The following COL24A1 variants were observed in gnomAD, a reference collection of about 807,000 sequenced individuals.
COL24A1 encodes the protein collagen type XXIV alpha 1 chain, also known as collagen alpha-1(XXIV) chain.
In COL24A1, 224 loss-of-function variants were observed where a neutral mutation model predicts 253.9. The observed-to-expected ratio is 0.88, with a 90% CI of 0.79 to 0.99. COL24A1 has a LOEUF of 0.99. Among genes scored for constraint, COL24A1 ranks in the 50% least tolerant of loss-of-function variants. The probability of loss-of-function intolerance (pLI) is 0.00; values close to 1 mark genes in which losing one functional copy is unlikely to be tolerated. For synonymous variants in COL24A1, 685 were observed against 673.7 expected, an observed-to-expected ratio of 1.02 and a Z score of -0.26; for missense variants, 2,131 against 2,068.5, an observed-to-expected ratio of 1.03 and a Z score of -0.59.
chr1:85,881,322 C>A (rs937397048), intron 32 of COL24A1, among the ~76,000 whole-genome samples: 1 of 152,056 alleles, frequency 6.6e-6, no homozygotes, highest in African/African-American at 2.4e-5. Context: ...TGGTAAAATA[C>A]GTCTTTTAAG....
chr1:85,935,143 A>C (rs1441874714), intron 24 of COL24A1, among the ~76,000 whole-genome samples: 1 of 152,170 alleles, frequency 6.6e-6, no homozygotes, highest in African/African-American at 2.4e-5. Context: ...GACTGATTTA[A>C]ATTAGAATAT....
chr1:86,038,022 TG>T (rs780433210), intron 12 of COL24A1, among the ~76,000 whole-genome samples: 25 of 152,290 alleles, frequency 1.6e-4, no homozygotes, highest in Non-Finnish European at 3.2e-4. Context: ...GTTAAATATC[TG>T]TATTTTAAAC....
intron 57 of COL24A1, among the ~76,000 whole-genome samples, chr1:85,738,155 T>C (rs1207578936): frequency 6.6e-6 from 1 of 152,228 alleles, no homozygotes; most frequent in East Asian, 1.9e-4. Flanking sequence ...AGTTACATAG[T>C]TAACAAAAAA....
chr1:85,738,142 TTTAG>T (rs1183303069), intron 57 of COL24A1, among the ~76,000 whole-genome samples: 2 of 152,160 alleles, frequency 1.3e-5, no homozygotes, highest in East Asian at 3.9e-4. Flanking sequence ...AAGTGAATTG[TTTAG>T]TTACATAGTT....
At chr1:85,986,803 C>T (rs1693758966) in intron 20 of COL24A1, among the ~76,000 whole-genome samples, 1 of 151,852 alleles carries the variant, frequency 6.6e-6, no homozygotes, top group East Asian at 1.9e-4. Context: ...TCTCTCTCTA[C>T]TCCCATTGAT....
At chr1:86,106,799 T>C (rs1391849883) in intron 5 of COL24A1, among the ~76,000 whole-genome samples, 1 of 152,230 alleles carries the variant, frequency 6.6e-6, no homozygotes, top group Non-Finnish European at 1.5e-5. Flanking sequence ...ATCAGTCTCC[T>C]GATTTCAGCC....
intron 4 of COL24A1, 25 bp downstream of exon 4, chr1:86,115,300 C>G: frequency 6.2e-6 from 10 of 1,610,592 alleles, no homozygotes; most frequent in Non-Finnish European, 8.5e-6. Flanking sequence ...TCACTGCCAG[C>G]AGGAAATATA....
intron 3 of COL24A1, among the ~76,000 whole-genome samples, chr1:86,120,262 A>C (rs961894877): frequency 6.6e-6 from 1 of 152,236 alleles, no homozygotes; most frequent in African/African-American, 2.4e-5. Context: ...ACACAAAAGC[A>C]ATGGCAACAA....
intron 51 of COL24A1, 54 bp from the exon 52 acceptor site, chr1:85,781,327 A>T: frequency 8.0e-7 from 1 of 1,255,368 alleles, no homozygotes; most frequent in Non-Finnish European, 1.1e-6. Context: ...AAAAAAAAAA[A>T]ACTCCACAGA....
intron 19 of COL24A1, among the ~76,000 whole-genome samples, chr1:85,996,493 T>TCTCTGCTAAAAATACAAAAAAATTAGCCG (rs1694799689): frequency 1.5e-5 from 2 of 137,436 alleles, no homozygotes; most frequent in Non-Finnish European, 3.2e-5. Context: ...CTGACCAACA[T>TCTCTGCTAAAAATACAAAAAAATTAGCCG]GGCATGGTGG....
At chr1:85,936,540 T>C (rs1404089581) in intron 24 of COL24A1, among the ~76,000 whole-genome samples, 1 of 146,802 alleles carries the variant, frequency 6.8e-6, no homozygotes, top group Non-Finnish European at 1.5e-5. Context: ...TAATATAACA[T>C]AAATAACATA....
At chr1:86,030,167 A>C (rs967754002) in intron 14 of COL24A1, 3 of 152,232 alleles carry the variant, frequency 2.0e-5, no homozygotes, top group Admixed American at 6.5e-5. Flanking sequence ...CTTTTTTACT[A>C]CACAGAGCAT....
chr1:85,816,367 G>A (rs1264131540), intron 47 of COL24A1, among the ~76,000 whole-genome samples: 1 of 152,126 alleles, frequency 6.6e-6, no homozygotes, highest in Non-Finnish European at 1.5e-5. Context: ...CACAATTCTT[G>A]TAAAATACTG....
At chr1:86,037,101 T>C (rs551104757) in intron 12 of COL24A1, among the ~76,000 whole-genome samples, 2 of 152,340 alleles carry the variant, frequency 1.3e-5, no homozygotes, top group Admixed American at 1.3e-4. Flanking sequence ...AAATATTTTA[T>C]GTGATGAAGA....
chr1:85,810,038 G>A (rs1171140809), intron 47 of COL24A1, among the ~76,000 whole-genome samples: 1 of 150,380 alleles, frequency 6.6e-6, no homozygotes, highest in South Asian at 2.1e-4. Context: ...GGTGAGGAAG[G>A]AGGTCAGCAG....
At chr1:86,081,873 G>A (rs944784495) in intron 7 of COL24A1, among the ~76,000 whole-genome samples, 4 of 152,126 alleles carry the variant, frequency 2.6e-5, no homozygotes, top group African/African-American at 7.2e-5. Flanking sequence ...AGGACTGCCT[G>A]CATATTTATA....
chr1:85,858,621 C>CTCCCTCCTTCCTTCCTTCCTTCCTTCCT (rs1347863094), intron 37 of COL24A1, among the ~76,000 whole-genome samples: 17 of 113,368 alleles, frequency 1.5e-4, no homozygotes, highest in East Asian at 5.9e-4. Flanking sequence ...TATTTTCTCC[C>CTCCCTCCTTCCTTCCTTCCTTCCTTCCT]TCCTTCCTTC....
Position 86,156,438 on chromosome 1 carries a change from A to C in COL24A1, c.-42T>G. 3 of 1,596,090 alleles carry C rather than the reference A, an allele frequency of 1.9e-6. No homozygotes were observed. Among genetic ancestry groups the C allele is most frequent in the African/African-American group, 1.3e-5 (1 of 74,336 alleles). On this transcript the variant is annotated 5_prime_UTR_variant, in exon 1 of 60. Coordinates refer to ENST00000370571, the MANE Select transcript of COL24A1 (RefSeq NM_152890.7). ...GTGCAGCAAAGCGCTAACGGAAAAC[A>C]GAAGCCAACTCTGAACTGCTTAGGG...
At chr1:86,086,861 C>T (rs558818349) in intron 7 of COL24A1, among the ~76,000 whole-genome samples, 111 of 152,236 alleles carry the variant, frequency 7.3e-4, no homozygotes, top group African/African-American at 2.2e-3. Flanking sequence ...TATCCTTTTC[C>T]TAGTTATACT....
Sources: allele counts gnomAD v4.1 joint callset (sites outside exome capture counted in the v4.1 genomes callset), GRCh38; gene constraint gnomAD v4.1.1; transcripts MANE v1.5; gene names NCBI Gene and HGNC (gene_info 2026-07-23, HGNC 2026-07-21).